CYLD: variants seen among roughly 807,000 people sequenced by gnomAD.
The protein encoded by CYLD is ubiquitin carboxyl-terminal hydrolase CYLD.
In CYLD, 26 loss-of-function variants were observed where a neutral mutation model predicts 104.5. The observed-to-expected ratio is 0.25, with a 90% CI of 0.18 to 0.35. CYLD has a LOEUF of 0.35. CYLD is among the 10% of genes least tolerant of loss of function. The pLI, the probability that CYLD is intolerant of heterozygous loss-of-function variation, is 1.00. For missense variants in CYLD, 703 were observed against 1,136.1 expected (o/e 0.62, Z 5.48); for synonymous variants, 385 against 399.9 (o/e 0.96, Z 0.45).
intron 2 of CYLD, among the ~76,000 whole-genome samples, chr16:50,743,327 C>T (rs1965883230): frequency 6.6e-6 from 1 of 152,174 alleles, no homozygotes; most frequent in African/African-American, 2.4e-5. Context: ...AGAATTTAGC[C>T]TCCCATTCCC....
chr16:50,753,676 C>T (rs1966801924), intron 4 of CYLD, among the ~76,000 whole-genome samples: 1 of 152,206 alleles, frequency 6.6e-6, no homozygotes, highest in South Asian at 2.1e-4. Context: ...CACATTGGTG[C>T]CCAGGGCAGT....
At chr16:50,765,195 A>C (rs1258256982) in intron 5 of CYLD, among the ~76,000 whole-genome samples, 1 of 152,148 alleles carries the variant, frequency 6.6e-6, no homozygotes, top group Non-Finnish European at 1.5e-5. Context: ...AAGTCTGTCA[A>C]TGCCATTTTT....
At chr16:50,750,844 G>A (rs1215349638) in intron 3 of CYLD, among the ~76,000 whole-genome samples, 1 of 151,844 alleles carries the variant, frequency 6.6e-6, no homozygotes, top group Admixed American at 6.6e-5. Flanking sequence ...TTAGATATAA[G>A]ATTTTTGAAA....
In CYLD at chr16:50,745,329, T is replaced by G. The variant is rs531770977; in HGVS notation, c.-124+2488T>G. 1.8e-4 allele frequency among the ~76,000 whole-genome samples: 27 copies of G among 150,730 alleles called. No individual in the cohort carries two copies. In the East Asian group the frequency reaches 3.7e-3, roughly 21 times the overall value. The stretch of plus-strand genomic sequence containing the variant: ...TGAGTGAATGTGGATTGATGTTGGG[T>G]TTTTTTTTGTGTGTGTTCTCTCTTT... On this transcript the variant is annotated intron_variant, in intron 2 of 18. Transcript: ENST00000427738.
chr16:50,765,913 A>T (rs1216896500), intron 5 of CYLD, among the ~76,000 whole-genome samples: 1 of 152,242 alleles, frequency 6.6e-6, no homozygotes, highest in Admixed American at 6.5e-5. Context: ...AGGTTGGTTC[A>T]TAAACTTTAA....
intron 11 of CYLD, chr16:50,784,083 C>T (rs1336457839): frequency 4.6e-6 from 2 of 436,512 alleles, no homozygotes; most frequent in Non-Finnish European, 8.5e-6. Context: ...TTTAACACTG[C>T]CAATCTGCCG....
chr16:50,757,194 C>T (rs372952116), intron 5 of CYLD, among the ~76,000 whole-genome samples: 1 of 151,610 alleles, frequency 6.6e-6, no homozygotes, highest in Admixed American at 6.6e-5. Context: ...TTCCTTTTAG[C>T]GTGCACTGTT....
chr16:50,765,851 G>GT (rs58992412), intron 5 of CYLD, among the ~76,000 whole-genome samples: 125,253 of 152,114 alleles, frequency 0.82, 52,141 homozygotes, highest in African/African-American at 0.95. Context: ...CTTCAATTCT[G>GT]AAAGGCTGAG....
At position 50,777,915 on chromosome 16, in the gene CYLD, CA is replaced by C; in HGVS notation, c.1118del (p.Asn373IlefsTer35). 1 of 1,576,660 alleles carries C rather than the reference CA, an allele frequency of 6.3e-7. No homozygotes were observed. The highest frequency in any genetic ancestry group is 8.7e-7 in the Non-Finnish European group (1 of 1,146,872). On this transcript the variant is annotated frameshift_variant, in exon 8 of 19. Coordinates refer to ENST00000427738, the MANE Select transcript of CYLD (RefSeq NM_001378743.1). LOFTEE classifies it high-confidence loss of function. ...SSVDSQPQSK[S>X]KNTWYIDEVA... The stretch of plus-strand genomic sequence containing the variant: ...GTTGACTCACAACCACAATCCAAAT[CA>C]AAAAATACATGGTACATTGATGAAG...
intron 5 of CYLD, among the ~76,000 whole-genome samples, chr16:50,761,161 T>C (rs1216154877): frequency 1.3e-5 from 2 of 152,202 alleles, no homozygotes; most frequent in Admixed American, 6.5e-5. Context: ...GATTTCTTCA[T>C]GTGTTAGGGT....
chr16:50,784,162 A>G, intron 11 of CYLD, 167 bp from the exon 12 acceptor site: 2 of 647,728 alleles, frequency 3.1e-6, no homozygotes, highest in South Asian at 3.4e-5. Flanking sequence ...TGATTGAACC[A>G]TGGGTATCTT....
chr16:50,760,350 A>G (rs188185389), intron 5 of CYLD, among the ~76,000 whole-genome samples: 104 of 152,280 alleles, frequency 6.8e-4, no homozygotes, highest in African/African-American at 2.3e-3. Flanking sequence ...TCATTCATGT[A>G]TCTCAAATCA....
In CYLD at chr16:50,745,224, C is replaced by T. The variant is rs769331063; in HGVS notation, c.-124+2383C>T. ...TGACCCCTCACCCCCACCTGCCCTA[C>T]GGTGACTTTGAATTTAGCTGTGCTT... is the stretch of plus-strand genomic sequence containing the variant. On this transcript the variant is annotated intron_variant, in intron 2 of 18. Transcript: ENST00000427738. Among the ~76,000 whole-genome samples, 95 of 152,144 alleles carry T rather than the reference C, an allele frequency of 6.2e-4. 1 individual carries two copies. Among genetic ancestry groups the T allele is most frequent in the Non-Finnish European group, 5.1e-4 (35 of 68,038 alleles).
intron 5 of CYLD, among the ~76,000 whole-genome samples, chr16:50,774,454 A>G (rs1361361962): frequency 6.6e-6 from 1 of 152,236 alleles, no homozygotes; most frequent in Non-Finnish European, 1.5e-5. Context: ...ATTAGGCACA[A>G]TAAGATATTG....
At chr16:50,788,304 T>G (rs1971055786) in intron 14 of CYLD, among the ~76,000 whole-genome samples, 1 of 152,200 alleles carries the variant, frequency 6.6e-6, no homozygotes, top group African/African-American at 2.4e-5. Flanking sequence ...ACCCACCATG[T>G]TGAATGAAAG....
At chr16:50,759,855 C>T (rs1967702299) in intron 5 of CYLD, among the ~76,000 whole-genome samples, 1 of 152,156 alleles carries the variant, frequency 6.6e-6, no homozygotes. Context: ...TATGTTTATA[C>T]AACATTTGTG....
chr16:50,757,719 G>A (rs929940507), intron 5 of CYLD, among the ~76,000 whole-genome samples: 1 of 151,980 alleles, frequency 6.6e-6, no homozygotes, highest in African/African-American at 2.4e-5. Flanking sequence ...TGTATCTTTA[G>A]TAGAGATGGG....
intron 5 of CYLD, among the ~76,000 whole-genome samples, chr16:50,773,891 C>A (rs1969394848): frequency 6.6e-6 from 1 of 152,026 alleles, no homozygotes; most frequent in Admixed American, 6.6e-5. Flanking sequence ...GATATTTGAC[C>A]CCCTCTCAGA....
chr16:50,775,999 G>GT (rs926601877), intron 6 of CYLD, among the ~76,000 whole-genome samples, 180 bp from the exon 7 acceptor site: 23 of 152,244 alleles, frequency 1.5e-4, no homozygotes, highest in Middle Eastern at 6.8e-3. Flanking sequence ...TACAGCATTG[G>GT]TTTTTTCCCC....
Sources: gnomAD v4.1 joint callset for allele counts (sites outside exome capture counted in the v4.1 genomes callset) on GRCh38, gnomAD v4.1.1 for gene constraint, MANE v1.5 for transcripts, NCBI Gene and HGNC (gene_info 2026-07-23, HGNC 2026-07-21) for gene names.